TCIRG1: variants seen among roughly 807,000 people sequenced by gnomAD.
TCIRG1 encodes the protein V-type proton ATPase 116 kDa subunit a 3.
Under a neutral mutation model 95.5 loss-of-function variants are expected in TCIRG1, and 86 were observed. The ratio of observed to expected loss-of-function variants is 0.90; its 90% CI spans 0.76 to 1.08. The LOEUF is 1.08. Among genes scored for constraint, TCIRG1 ranks in the 50% least tolerant of loss-of-function variants. The pLI, the probability that TCIRG1 is intolerant of heterozygous loss-of-function variation, is 0.00. For synonymous variants in TCIRG1, 499 were observed against 501.3 expected, an observed-to-expected ratio of 1.00 and a Z score of 0.06; for missense variants, 1,069 against 1,140.2, an observed-to-expected ratio of 0.94 and a Z score of 0.90.
In TCIRG1 at chr11:68,042,865, T is replaced by C; in HGVS notation, c.417+2T>C. 1 of 1,549,862 alleles carries C rather than the reference T, an allele frequency of 6.5e-7. No homozygotes were observed. The highest frequency in any genetic ancestry group is 8.7e-7 in the Non-Finnish European group (1 of 1,146,676). The stretch of plus-strand genomic sequence containing the variant: ...CTACGCCAGGGCCATGAACCTCAGG[T>C]CAGCTCCCACCCAGGCAGGAGACTG... On this transcript the variant is annotated splice_donor_variant, in intron 4 of 19. Coordinates refer to ENST00000265686, the MANE Select transcript of TCIRG1 (RefSeq NM_006019.4). LOFTEE classifies it high-confidence loss of function.
chr11:68,043,994 G>GC (rs1301482141), intron 8 of TCIRG1, 87 bp downstream of exon 8: 1 of 1,325,390 alleles, frequency 7.5e-7, no homozygotes, highest in African/African-American at 1.5e-5. Flanking sequence ...GGGTGCCCTG[G>GC]CCTGGCCTCC....
chr11:68,041,310 C>G lies in TCIRG1; in HGVS notation c.39C>G (p.Val13=). 1 of 1,613,210 alleles carries G rather than the reference C, an allele frequency of 6.2e-7. No homozygotes were observed. Among genetic ancestry groups the G allele is most frequent in the East Asian group, 2.2e-5 (1 of 44,882 alleles). Residue 13 remains valine, a synonymous_variant, in exon 2 of 20, where the codon GTC becomes GTG. Coordinates refer to ENST00000265686, the MANE Select transcript of TCIRG1 (RefSeq NM_006019.4). ...SMFRSEEVAL[V]QLFLPTAAAY... is the part of the protein sequence containing the mutation. ...TCCGGAGCGAGGAGGTGGCCCTGGT[C>G]CAGCTCTTTCTGCCCACAGCGGCTG...
At chr11:68,050,324 GT>G in intron 18 of TCIRG1, 70 bp downstream of exon 18, 2 of 1,598,610 alleles carry the variant, frequency 1.3e-6, no homozygotes, top group Non-Finnish European at 1.7e-6. Context: ...GGCTGGGCGG[GT>G]TGCTTCTCTC....
In TCIRG1 at chr11:68,045,026, C is replaced by T. The variant is rs1855407675; in HGVS notation, c.1089C>T (p.Arg363=). The part of the protein sequence containing the change: ...PCRDMPPTLI[R]TNRFTASFQG... ...GGGACATGCCCCCCACACTCATCCGCACCAACCGCTTCACGGCCAGCTTCC... is the reference window on the plus strand; with the variant it reads ...GGGACATGCCCCCCACACTCATCCGTACCAACCGCTTCACGGCCAGCTTCC... Residue 363 remains arginine, a synonymous_variant, in exon 10 of 20, where the codon CGC becomes CGT. Coordinates refer to ENST00000265686, the MANE Select transcript of TCIRG1 (RefSeq NM_006019.4). The T allele has an allele frequency of 1.2e-6, 2 of 1,607,942 alleles. No homozygotes were observed. Among genetic ancestry groups the T allele is most frequent in the Admixed American group, 1.7e-5 (1 of 60,012 alleles).
At chr11:68,049,028 G>A in intron 14 of TCIRG1, 31 bp downstream of exon 14, 2 of 1,613,046 alleles carry the variant, frequency 1.2e-6, no homozygotes, top group Admixed American at 3.3e-5. Flanking sequence ...GGGGACGGGA[G>A]GCTGGCAGGC....
At chr11:68,047,259 C>CCCCT in intron 10 of TCIRG1, among the ~76,000 whole-genome samples, 174 bp from the exon 11 acceptor site, 1 of 100,800 alleles carries the variant, frequency 9.9e-6, no homozygotes, top group Non-Finnish European at 2.3e-5. Context: ...GATGCCCCCC[C>CCCCT]CCCCCCCCGT....
intron 4 of TCIRG1, 24 bp downstream of exon 4, chr11:68,042,887 A>G (rs771020574): frequency 1.9e-6 from 3 of 1,549,666 alleles, no homozygotes; most frequent in African/African-American, 2.7e-5. Flanking sequence ...CAGGCAGGAG[A>G]CTGGGGGGCT....
downstream of TCIRG1, chr11:68,052,190 AAAGTT>A (rs1337089781): frequency 6.6e-6 from 1 of 152,128 alleles, no homozygotes; most frequent in Non-Finnish European, 1.5e-5. Context: ...GGGCTCCAGG[AAAGTT>A]AAGCTGCATG....
rs1419172112 is a variant in TCIRG1 at position 68,050,491 on chromosome 11, G to T, written c.2241G>T (p.Leu747=). ...LWALSLAHAQ[L]SEVLWAMVMR... ...CACTGTCTCCTTTGCTTGCAGAGCT[G>T]TCCGAGGTTCTGTGGGCCATGGTGA... Residue 747 remains leucine, a synonymous_variant, in exon 19 of 20, where the codon CTG becomes CTT. Transcript: ENST00000265686. 3.1e-6 allele frequency: 5 copies of T among 1,613,064 alleles called. No individual in the cohort carries two copies. In the Admixed American group the frequency reaches 8.3e-5, roughly 27 times the overall value.
At position 68,047,741 on chromosome 11, in the gene TCIRG1, G is replaced by A. The variant is rs370981468; in HGVS notation, c.1400G>A (p.Arg467His). The A allele has an allele frequency of 6.8e-6, 11 of 1,613,040 alleles. No individual in the cohort carries two copies. Among genetic ancestry groups the A allele is most frequent in the South Asian group, 2.2e-5 (2 of 91,088 alleles). The part of the protein sequence containing the change: ...TGFIYNECFS[R>H]ATSIFPSGWS... The stretch of plus-strand genomic sequence containing the variant: ...TTCATCTACAACGAGTGCTTCAGTC[G>A]CGCCACCAGCATCTTCCCCTCGGGC... Residue 467 changes from arginine to histidine, a missense_variant, in exon 12 of 20, where the codon CGC (arginine) becomes CAC (histidine). By Grantham distance (29) the Arg-to-His change is conservative. Transcript: ENST00000265686.
rs372690969 is a variant in TCIRG1 at position 68,044,285 on chromosome 11, G to A, written c.961G>A (p.Glu321Lys). The A allele has an allele frequency of 2.9e-5, 47 of 1,604,968 alleles. No homozygotes were observed. The highest frequency in any genetic ancestry group is 3.7e-5 in the Non-Finnish European group (43 of 1,177,546). ...CACCACGCACAAGTGCCTCATTGCC[G>A]AGGCCTGGTGCTCTGTGCGAGACCT... ...VSTTHKCLIA[E>K]AWCSVRDLPA... Residue 321 changes from glutamate (E) to lysine (K), a missense_variant, in exon 9 of 20, where the codon GAG becomes AAG. Coordinates refer to ENST00000265686, the MANE Select transcript of TCIRG1 (RefSeq NM_006019.4).
chr11:68,050,571 T>TC lies in TCIRG1; in HGVS notation c.2325dup (p.Ile776HisfsTer55). On this transcript the variant is annotated frameshift_variant, in exon 19 of 20. Coordinates refer to ENST00000265686, the MANE Select transcript of TCIRG1 (RefSeq NM_006019.4). LOFTEE classifies it high-confidence loss of function. ...GTGGGCGTGGCGGCTGTGGTGCTGG[T>TC]CCCCATCTTTGCCGCCTTTGCCGTG... 1 of 1,613,626 alleles carries TC rather than the reference T, an allele frequency of 6.2e-7. No individual in the cohort carries two copies. Among genetic ancestry groups the TC allele is most frequent in the Non-Finnish European group, 8.5e-7 (1 of 1,180,022 alleles).
At position 68,047,671 on chromosome 11, in the gene TCIRG1, C is replaced by T. The variant is rs1252337145; in HGVS notation, c.1330C>T (p.Arg444Cys). ...NEIWQTFFRG[R>C]YLLLLMGLFS... ...GATCTGGCAGACTTTCTTCAGGGGC[C>T]GCTACCTGCTCCTGCTTATGGGCCT... Residue 444 changes from arginine to cysteine, a missense_variant, in exon 12 of 20, where the codon CGC becomes TGC. By Grantham distance (180) the Arg-to-Cys change is radical (BLOSUM62 -3). Coordinates refer to ENST00000265686, the MANE Select transcript of TCIRG1 (RefSeq NM_006019.4). 4.3e-6 allele frequency: 7 copies of T among 1,613,374 alleles called. No homozygotes were observed. The highest frequency in any genetic ancestry group is 1.3e-5 in the African/African-American group (1 of 74,910).
chr11:68,049,347 G>A (rs1307894359), intron 15 of TCIRG1, 53 bp downstream of exon 15: 12 of 1,531,718 alleles, frequency 7.8e-6, no homozygotes, highest in East Asian at 6.8e-5. Context: ...GGGACCCCGC[G>A]GTCACAGGGC....
chr11:68,050,315 G>T, intron 18 of TCIRG1, 61 bp downstream of exon 18: 1 of 1,598,870 alleles, frequency 6.3e-7, no homozygotes, highest in Non-Finnish European at 8.5e-7. Flanking sequence ...ACCGCTGCTG[G>T]CTGGGCGGGT....
In TCIRG1 at chr11:68,050,129, C is replaced by T; in HGVS notation, c.2119-8C>T. 6.2e-7 allele frequency: 1 copy of T among 1,612,808 alleles called. No homozygotes were observed. Among genetic ancestry groups the T allele is most frequent in the South Asian group, 1.1e-5 (1 of 91,080 alleles). On this transcript the variant is annotated splice_region_variant and splice_polypyrimidine_tract_variant and intron_variant, in intron 17 of 19. Coordinates refer to ENST00000265686, the MANE Select transcript of TCIRG1 (RefSeq NM_006019.4). Reference sequence around the variant, plus strand: ...GCCCTGCCGGCCCTCACTGCACCCGCCCCGCAGCTCGTCCCCTCCGAGGTG... The same window carrying T: ...GCCCTGCCGGCCCTCACTGCACCCGTCCCGCAGCTCGTCCCCTCCGAGGTG...
At chr11:68,048,856 G>C in intron 13 of TCIRG1, 23 bp from the exon 14 acceptor site, 2 of 1,563,520 alleles carry the variant, frequency 1.3e-6, no homozygotes, top group Non-Finnish European at 1.8e-6. Context: ...CCTGAGTCCA[G>C]CCCACCCCTG....
intron 2 of TCIRG1, 144 bp downstream of exon 2, chr11:68,041,532 G>A: frequency 6.7e-6 from 5 of 741,398 alleles, no homozygotes; most frequent in Non-Finnish European, 1.1e-5. Flanking sequence ...CACTGCTCAT[G>A]GGAAGCCCGC....
rs145913395 is a variant in TCIRG1, at chr11:68,040,632, T to C, written c.-4-636T>C. Among the ~76,000 whole-genome samples, 652 of 152,272 alleles carry C rather than the reference T, an allele frequency of 4.3e-3. 3 individuals are homozygous for C. The highest frequency in any genetic ancestry group is 0.015 in the African/African-American group (603 of 41,556). On this transcript the variant is annotated intron_variant, in intron 1 of 19. Coordinates refer to ENST00000265686, the MANE Select transcript of TCIRG1 (RefSeq NM_006019.4). ...GGCGGGTTGGAGGTGGCCTGGCACC[T>C]GCCCCCACCCCACATCGGCCTTGAG...
Sources: gnomAD v4.1 joint callset for allele counts (sites outside exome capture counted in the v4.1 genomes callset) on GRCh38, gnomAD v4.1.1 for gene constraint, MANE v1.5 for transcripts, NCBI Gene and HGNC (gene_info 2026-07-23, HGNC 2026-07-21) for gene names.